Variants in ZNF326 observed in about 807,000 individuals in gnomAD.
ZNF326 encodes the protein zinc finger protein 326.
Under a neutral mutation model 63.1 loss-of-function variants are expected in ZNF326, and 30 were observed. The ratio of observed to expected loss-of-function variants is 0.48; its 90% confidence interval spans 0.36 to 0.64. The LOEUF (loss-of-function observed/expected upper bound fraction) is 0.64. ZNF326 is among the 30% of genes least tolerant of loss of function. The pLI is 0.00. For synonymous variants in ZNF326, 194 were observed against 228.2 expected (o/e 0.85, Z 1.35); for missense variants, 609 against 720.3 (o/e 0.85, Z 1.77).
At chr1:90,015,044 T>C (rs1363731098) in intron 7 of ZNF326, among the ~76,000 whole-genome samples, 1 of 152,188 alleles carries the variant, frequency 6.6e-6, no homozygotes, top group Non-Finnish European at 1.5e-5. Context: ...TCTGTAACTC[T>C]AAATATAAAT....
chr1:90,021,357 G>A (rs767434675), intron 10 of ZNF326, among the ~76,000 whole-genome samples: 2 of 152,020 alleles, frequency 1.3e-5, no homozygotes, highest in Non-Finnish European at 2.9e-5. Flanking sequence ...GAGAGAGTGT[G>A]TGTGTGTTGT....
At chr1:90,010,057 G>A (rs750336830) in intron 5 of ZNF326, 31 bp from the exon 6 acceptor site, 12 of 1,596,926 alleles carry the variant, frequency 7.5e-6, no homozygotes, top group Non-Finnish European at 1.0e-5. Flanking sequence ...TGGACAATAT[G>A]CTAATATTTA....
chr1:90,032,179 C>CT lies in ZNF326; in HGVS notation c.*4479dup, dbSNP rs1650306335. On this transcript the variant is annotated 3_prime_UTR_variant, in exon 12 of 12. Transcript: ENST00000340281. ...CTTTCCCTTCTTCTTTCCCAGTCCT[C>CT]TAATTCCCAGAGGTCTGTTGTGAAT... is the stretch of plus-strand genomic sequence containing the variant. The CT allele has an allele frequency of 6.6e-6, 1 of 152,208 alleles. No homozygotes were observed. The highest frequency in any genetic ancestry group is 1.5e-5 in the Non-Finnish European group (1 of 68,036). 9.4% of individuals were successfully genotyped at this position (152,208 alleles called of 1,614,324 possible). A position where few individuals can be genotyped will look rare whatever the true frequency, so the allele number is the denominator to read the frequency against.
rs1034186452 is a variant in ZNF326 at position 90,034,392 on chromosome 1, G to C, written c.*6691G>C. On this transcript the variant is annotated 3_prime_UTR_variant, in exon 12 of 12. Coordinates refer to ENST00000340281, the MANE Select transcript of ZNF326 (RefSeq NM_182976.4). ...AATTTATAATCATAGCTACGTATTTGAACACAGCGCTTAGAAATTGTCAGA... is the reference window on the plus strand; with the variant it reads ...AATTTATAATCATAGCTACGTATTTCAACACAGCGCTTAGAAATTGTCAGA... The C allele has an allele frequency of 6.6e-6, 1 of 152,150 alleles. No individual in the cohort carries two copies. Among genetic ancestry groups the C allele is most frequent in the African/African-American group, 2.4e-5 (1 of 41,454 alleles). 9.4% of individuals were successfully genotyped at this position (152,150 alleles called of 1,614,324 possible). A position where few individuals can be genotyped will look rare whatever the true frequency, so the allele number is the denominator to read the frequency against.
Position 90,010,116 on chromosome 1 carries a change from G to C in ZNF326, c.644G>C (p.Arg215Thr), listed in dbSNP as rs1195169427. 5 of 1,613,704 alleles carry C rather than the reference G, an allele frequency of 3.1e-6. No homozygotes were observed. Among genetic ancestry groups the C allele is most frequent in the Non-Finnish European group, 4.2e-6 (5 of 1,179,766 alleles). ...GHMGDFGSIH[R>T]PGIVVDYQNK... ...ATGGGTGATTTTGGAAGCATTCATA[G>C]ACCCGGAATTGTTGTTGACTATCAA... The change falls in exon 6 of 12, where the codon AGA (arginine) becomes ACA (threonine). Residue 215 changes from arginine to threonine, a missense_variant. Around this residue, in one of 3 missense-constraint regions of ZNF326, gnomAD observed 399 missense variants for 444.3 expected, o/e 0.90. Coordinates refer to ENST00000340281, the MANE Select transcript of ZNF326 (RefSeq NM_182976.4).
intron 7 of ZNF326, among the ~76,000 whole-genome samples, chr1:90,014,057 T>A (rs1312716666): frequency 2.0e-5 from 3 of 148,176 alleles, no homozygotes; most frequent in African/African-American, 7.5e-5. Flanking sequence ...AGAGCGAGAC[T>A]CTGTCTCAAA....
At chr1:90,011,382 A>G (rs1385427691) in intron 6 of ZNF326, among the ~76,000 whole-genome samples, 1 of 152,170 alleles carries the variant, frequency 6.6e-6, no homozygotes, top group African/African-American at 2.4e-5. Flanking sequence ...GAAGTACAAC[A>G]TGTCATAGTT....
chr1:90,010,181 A>G lies in ZNF326; in HGVS notation c.709A>G (p.Ile237Val), dbSNP rs1271627038. ...TGTGACAGTTGCTGCTGCAAGAGGA[A>G]TAAAGAGAAAAATGATGCAGCCATT... The part of the protein sequence containing the change: ...TNVTVAAARG[I>V]KRKMMQPFNK... Residue 237 changes from isoleucine to valine, a missense_variant, in exon 6 of 12, where the codon ATA (isoleucine) becomes GTA (valine). Ile to Val is a conservative substitution (Grantham distance 29). Around this residue, in one of 3 missense-constraint regions of ZNF326, gnomAD observed 399 missense variants for 444.3 expected, o/e 0.90. Transcript: ENST00000340281. The G allele has an allele frequency of 6.2e-7, 1 of 1,613,834 alleles. No homozygotes were observed. Among genetic ancestry groups the G allele is most frequent in the East Asian group, 2.2e-5 (1 of 44,850 alleles).
chr1:90,014,675 C>T (rs1293962934), intron 7 of ZNF326, among the ~76,000 whole-genome samples: 1 of 152,154 alleles, frequency 6.6e-6, no homozygotes, highest in Non-Finnish European at 1.5e-5. Context: ...CGTGGCAAGA[C>T]CTCATCTCTA....
At position 89,998,217 on chromosome 1, in the gene ZNF326, C is replaced by T. The variant is rs1648497819; in HGVS notation, c.61+63C>T. The T allele has an allele frequency of 2.7e-6, 4 of 1,497,136 alleles. No individual in the cohort carries two copies. The Admixed American group carries it at 5.2e-5, about 19-fold the overall frequency. The allele number at this position is 1,497,136 out of a possible 1,614,324, so 92.7% of individuals were successfully genotyped here. The stretch of plus-strand genomic sequence containing the variant: ...AAAAATATAGTATCAATGTAAAAGG[C>T]CAGTTCTACCTATTTCAGTCCTTGT... On this transcript the variant is annotated intron_variant, in intron 2 of 11. Coordinates refer to ENST00000340281, the MANE Select transcript of ZNF326 (RefSeq NM_182976.4).
chr1:89,998,557 G>A (rs1325806834), intron 2 of ZNF326, among the ~76,000 whole-genome samples: 1 of 152,024 alleles, frequency 6.6e-6, no homozygotes, highest in Non-Finnish European at 1.5e-5. Context: ...CCTTGTTTTT[G>A]AGGTCATTTT....
chr1:90,027,464 TGAGGAA>T lies in ZNF326; in HGVS notation c.1515_1520del (p.Glu507_Glu508del), dbSNP rs765460088. The stretch of plus-strand genomic sequence containing the variant: ...CTATTGAAGAAGAGGAGGATGAAGA[TGAGGAA>T]GAAGAAGCAGAGGAAGTGGGGGAAG... On this transcript the variant is annotated inframe_deletion, in exon 12 of 12. Coordinates refer to ENST00000340281, the MANE Select transcript of ZNF326 (RefSeq NM_182976.4). 3.7e-5 allele frequency: 60 copies of T among 1,611,796 alleles called. No homozygotes were observed. Among genetic ancestry groups the T allele is most frequent in the Admixed American group, 1.8e-4 (11 of 59,822 alleles).
Position 90,030,279 on chromosome 1 carries a change from T to C in ZNF326, c.*2578T>C, listed in dbSNP as rs1205782166. The C allele has an allele frequency of 6.6e-6, 1 of 152,206 alleles. No homozygotes were observed. The highest frequency in any genetic ancestry group is 1.5e-5 in the Non-Finnish European group (1 of 68,034). The allele number at this position is 152,206 out of a possible 1,614,324, so 9.4% of individuals were successfully genotyped here. ...TTGATTCCACCCTTACCATGATAGA[T>C]TCAGTTTTCTACACAAGTATAAGCT... On this transcript the variant is annotated 3_prime_UTR_variant, in exon 12 of 12. Coordinates refer to ENST00000340281, the MANE Select transcript of ZNF326 (RefSeq NM_182976.4).
rs1282158822 is a variant in ZNF326, at chr1:90,030,929, TAGA to T, written c.*3230_*3232del. The T allele has an allele frequency of 2.0e-5, 3 of 152,270 alleles. No individual in the cohort carries two copies. The highest frequency in any genetic ancestry group is 4.4e-5 in the Non-Finnish European group (3 of 68,082). 9.4% of individuals were successfully genotyped at this position (152,270 alleles called of 1,614,324 possible). On this transcript the variant is annotated 3_prime_UTR_variant, in exon 12 of 12. Transcript: ENST00000340281. ...CTCCCACCTCAGCTTCCCAAAGTGC[TAGA>T]ATTACAGGCATGAGCCACCACGCCT...
chr1:90,016,535 G>A (rs536787042), intron 7 of ZNF326, among the ~76,000 whole-genome samples: 90 of 152,108 alleles, frequency 5.9e-4, no homozygotes, highest in Middle Eastern at 3.4e-3. Flanking sequence ...GGCCAAGGTG[G>A]CAAAAACCCT....
chr1:90,024,415 G>A (rs1649915498), intron 11 of ZNF326, among the ~76,000 whole-genome samples: 1 of 152,018 alleles, frequency 6.6e-6, no homozygotes, highest in Non-Finnish European at 1.5e-5. Context: ...CTAGCTCTAC[G>A]GTTAGCTTTA....
intron 11 of ZNF326, among the ~76,000 whole-genome samples, chr1:90,024,993 T>C (rs1366711575): frequency 6.6e-6 from 1 of 151,156 alleles, no homozygotes; most frequent in African/African-American, 2.4e-5. Context: ...TTTTTTTTTT[T>C]TTTTCTAATC....
chr1:90,003,348 G>A (rs1648790005), intron 2 of ZNF326, among the ~76,000 whole-genome samples: 1 of 151,984 alleles, frequency 6.6e-6, no homozygotes, highest in Non-Finnish European at 1.5e-5. Flanking sequence ...TAGCCAGGAT[G>A]GTCTTGATCT....
chr1:90,012,241 G>A (rs1461593901), intron 6 of ZNF326, among the ~76,000 whole-genome samples: 3 of 152,142 alleles, frequency 2.0e-5, no homozygotes, highest in African/African-American at 7.2e-5. Context: ...AAAAATGTGG[G>A]TTATTCATAC....
Sources: allele counts gnomAD v4.1 joint callset (sites outside exome capture counted in the v4.1 genomes callset), GRCh38; gene constraint gnomAD v4.1.1; regional missense constraint gnomAD v4.1.1; transcripts MANE v1.5; gene names NCBI Gene and HGNC (gene_info 2026-07-23, HGNC 2026-07-21).